The following PDE6D variants were observed in gnomAD, a reference collection of about 807,000 sequenced individuals.
PDE6D encodes retinal rod rhodopsin-sensitive cGMP 3',5'-cyclic phosphodiesterase subunit delta.
A neutral mutation model predicts 21.9 loss-of-function variants in PDE6D; 10 were observed. That is an observed-to-expected ratio of 0.46 (90% CI 0.28 to 0.78). The LOEUF (loss-of-function observed/expected upper bound fraction) is 0.78, where lower values mean the gene tolerates loss of function less well. Among genes scored for constraint, PDE6D ranks in the 30% least tolerant of loss-of-function variants. The pLI, the probability that PDE6D is intolerant of heterozygous loss-of-function variation, is 0.12. For synonymous variants in PDE6D, 59 were observed against 63.5 expected (o/e 0.93, Z 0.34); for missense variants, 139 against 184.8 (o/e 0.75, Z 1.44).
At chr2:231,740,234 T>C (rs2048736243) in intron 1 of PDE6D, among the ~76,000 whole-genome samples, 2 of 152,152 alleles carry the variant, frequency 1.3e-5, no homozygotes, top group Non-Finnish European at 2.9e-5. Flanking sequence ...TATTGTTTCA[T>C]ACATTAAATG....
chr2:231,743,645 A>T (rs1354062794), intron 1 of PDE6D, among the ~76,000 whole-genome samples: 1 of 151,392 alleles, frequency 6.6e-6, no homozygotes, highest in African/African-American at 2.4e-5. Flanking sequence ...TGCTCAATAC[A>T]TCTCCAGACA....
chr2:231,781,204 G>T lies in PDE6D; in HGVS notation c.-90C>A, dbSNP rs2049121664. 1 of 1,321,066 alleles carries T rather than the reference G, an allele frequency of 7.6e-7. No homozygotes were observed. The highest frequency in any genetic ancestry group is 1.1e-6 in the Non-Finnish European group (1 of 925,830). 81.8% of individuals were successfully genotyped at this position (1,321,066 alleles called of 1,614,324 possible). A position where few individuals can be genotyped will look rare whatever the true frequency, so the allele number is the denominator to read the frequency against. ...GGAGCCGAGGATGGAGCCGCAGCCCGGCTTGGAGACCTCGGGCTAGCAGCC... is the reference window on the plus strand; with the variant it reads ...GGAGCCGAGGATGGAGCCGCAGCCCTGCTTGGAGACCTCGGGCTAGCAGCC... On this transcript the variant is annotated 5_prime_UTR_variant, in exon 1 of 5. Coordinates refer to ENST00000287600, the MANE Select transcript of PDE6D (RefSeq NM_002601.4).
At chr2:231,757,361 G>A (rs987076235) in intron 1 of PDE6D, among the ~76,000 whole-genome samples, 11 of 152,188 alleles carry the variant, frequency 7.2e-5, no homozygotes, top group Admixed American at 3.3e-4. Context: ...GCAATGGCAC[G>A]ATCTCGGCTC....
chr2:231,739,637 G>GTT lies in PDE6D; in HGVS notation c.51-451_51-450dup, dbSNP rs144122637. Among the ~76,000 whole-genome samples, 83 of 145,820 alleles carry GTT rather than the reference G, an allele frequency of 5.7e-4. No homozygotes were observed. The highest frequency in any genetic ancestry group is 1.4e-3 in the East Asian group (7 of 5,004). On this transcript the variant is annotated intron_variant, in intron 1 of 4. Transcript: ENST00000287600. This position sits in a 1 kb window ranked among gnomAD's most constrained non-coding sequence, Gnocchi z 4.2. ...AAATTGCTTTGTAGTGGCCCCCTCT[G>GTT]TTTTTTTTTTTTGAAACAGAGTCTC...
intron 4 of PDE6D, among the ~76,000 whole-genome samples, chr2:231,736,733 C>A (rs554392793): frequency 1.3e-5 from 2 of 152,106 alleles, no homozygotes; most frequent in Non-Finnish European, 2.9e-5. Context: ...TACAGAGATA[C>A]CGGAAGTACG....
At chr2:231,765,925 T>C (rs1307498348) in intron 1 of PDE6D, among the ~76,000 whole-genome samples, 3 of 152,236 alleles carry the variant, frequency 2.0e-5, no homozygotes, top group Non-Finnish European at 4.4e-5. Context: ...CATTAATTCT[T>C]AAATACCACT....
chr2:231,769,645 G>T (rs1234191594), intron 1 of PDE6D, among the ~76,000 whole-genome samples: 1 of 151,734 alleles, frequency 6.6e-6, no homozygotes, highest in African/African-American at 2.4e-5. Flanking sequence ...ATGGGGTCTT[G>T]CTCTGTTGCC....
Position 231,739,307 on chromosome 2 carries a change from G to T in PDE6D, c.51-119C>A. 1.3e-6 allele frequency: 1 copy of T among 765,108 alleles called. No individual in the cohort carries two copies. Among genetic ancestry groups the T allele is most frequent in the Non-Finnish European group, 2.4e-6 (1 of 417,616 alleles). The allele number at this position is 765,108 out of a possible 1,614,324, so 47.4% of individuals were successfully genotyped here. A position where few individuals can be genotyped will look rare whatever the true frequency, so the allele number is the denominator to read the frequency against. On this transcript the variant is annotated intron_variant, in intron 1 of 4. Coordinates refer to ENST00000287600, the MANE Select transcript of PDE6D (RefSeq NM_002601.4). The surrounding 1 kb of genome is among the most constrained non-coding windows in gnomAD (Gnocchi z 4.2). ...TACTTTTTAAAAAGTTTGTCAAACT[G>T]CTCATTGCCATGGAAGCACATAAGA...
intron 1 of PDE6D, among the ~76,000 whole-genome samples, chr2:231,740,745 A>AAG (rs2048741967): frequency 6.6e-6 from 1 of 151,790 alleles, no homozygotes; most frequent in Admixed American, 6.6e-5. Flanking sequence ...AGAATAGTCC[A>AAG]AGAGTTCTAG....
At chr2:231,762,778 GAGAGGACAC>G (rs1368007419) in intron 1 of PDE6D, among the ~76,000 whole-genome samples, 1 of 152,036 alleles carries the variant, frequency 6.6e-6, no homozygotes, top group African/African-American at 2.4e-5. Flanking sequence ...CTAATCTTTT[GAGAGGACAC>G]AGAGGAAACA....
At chr2:231,775,691 AG>A (rs755590090) in intron 1 of PDE6D, among the ~76,000 whole-genome samples, 41 of 152,118 alleles carry the variant, frequency 2.7e-4, no homozygotes, top group Non-Finnish European at 2.2e-4. Flanking sequence ...TTTTTCTTCT[AG>A]GAACTGCTTG....
At chr2:231,759,826 A>G (rs1168383344) in intron 1 of PDE6D, among the ~76,000 whole-genome samples, 1 of 152,126 alleles carries the variant, frequency 6.6e-6, no homozygotes, top group Non-Finnish European at 1.5e-5. Flanking sequence ...AAACTCAAAC[A>G]TGGCATCCCT....
chr2:231,738,623 A>G (rs1361016159), intron 2 of PDE6D, among the ~76,000 whole-genome samples: 1 of 152,204 alleles, frequency 6.6e-6, no homozygotes, highest in Non-Finnish European at 1.5e-5. Context: ...AGAACTGTTA[A>G]GAAAGTAACT....
chr2:231,780,866 T>C (rs1296960286), intron 1 of PDE6D, among the ~76,000 whole-genome samples, 199 bp downstream of exon 1: 1 of 152,058 alleles, frequency 6.6e-6, no homozygotes, highest in Non-Finnish European at 1.5e-5. Context: ...CAACGTCCCC[T>C]TCCTCCCTCA....
chr2:231,741,218 G>A (rs762341269), intron 1 of PDE6D, among the ~76,000 whole-genome samples: 10 of 151,396 alleles, frequency 6.6e-5, no homozygotes, highest in Non-Finnish European at 1.2e-4. Flanking sequence ...AGCTTCCAGA[G>A]GTTAAACAAG....
At position 231,781,103 on chromosome 2, in the gene PDE6D, C is replaced by G; in HGVS notation, c.12G>C (p.Lys4Asn). 6.2e-7 allele frequency: 1 copy of G among 1,613,468 alleles called. No individual in the cohort carries two copies. The highest frequency in any genetic ancestry group is 1.3e-5 in the African/African-American group (1 of 75,014). ...TCAGGATCTCCCTGGCCCGCTCGTCCTTGGCTGACATGATGCGGCGGTCGC... is the reference window on the plus strand; with the variant it reads ...TCAGGATCTCCCTGGCCCGCTCGTCGTTGGCTGACATGATGCGGCGGTCGC... MSA[K>N]DERAREILRG... Residue 4 changes from lysine to asparagine, a missense_variant, in exon 1 of 5, where the codon AAG becomes AAC. By Grantham distance (94) the Lys-to-Asn change is moderately conservative. Coordinates refer to ENST00000287600, the MANE Select transcript of PDE6D (RefSeq NM_002601.4).
intron 1 of PDE6D, among the ~76,000 whole-genome samples, chr2:231,780,536 G>C (rs1282185455): frequency 1.3e-5 from 2 of 152,036 alleles, no homozygotes; most frequent in East Asian, 3.9e-4. Context: ...ACGGGGGTGG[G>C]GTGCGGTGCG....
At position 231,732,981 on chromosome 2, in the gene PDE6D, T is replaced by G; in HGVS notation, c.424A>C (p.Thr142Pro). ...KFFDDDLLVS[T>P]SRVRLFYV Reference sequence around the variant, plus strand: ...ACATAGAAAAGTCTCACTCTGGATGTGCTTACAAGAAGATCGTCGTCAAAA... The same window carrying G: ...ACATAGAAAAGTCTCACTCTGGATGGGCTTACAAGAAGATCGTCGTCAAAA... The change falls in exon 5 of 5, where the codon ACA becomes CCA. Residue 142 changes from threonine to proline, a missense_variant. Coordinates refer to ENST00000287600, the MANE Select transcript of PDE6D (RefSeq NM_002601.4). 1 of 1,612,564 alleles carries G rather than the reference T, an allele frequency of 6.2e-7. No individual in the cohort carries two copies. The highest frequency in any genetic ancestry group is 8.5e-7 in the Non-Finnish European group (1 of 1,178,588).
intron 1 of PDE6D, among the ~76,000 whole-genome samples, chr2:231,776,253 A>G (rs2049055471): frequency 6.9e-6 from 1 of 145,716 alleles, no homozygotes; most frequent in Non-Finnish European, 1.5e-5. Context: ...CTCCGGAGGT[A>G]GAGGTTGCAG....
Sources: gnomAD v4.1 joint callset for allele counts (sites outside exome capture counted in the v4.1 genomes callset) on GRCh38, gnomAD v4.1.1 for gene constraint, Gnocchi (gnomAD v3.1) non-coding constraint, MANE v1.5 for transcripts, NCBI Gene and HGNC (gene_info 2026-07-23, HGNC 2026-07-21) for gene names.